The following XPO4 variants were observed in gnomAD, a reference collection of about 807,000 sequenced individuals.
XPO4 encodes exportin-4.
A neutral mutation model predicts 143.0 loss-of-function variants in XPO4; 39 were observed. The ratio of observed to expected loss-of-function variants is 0.27; its 90% CI spans 0.21 to 0.36. The LOEUF (loss-of-function observed/expected upper bound fraction) is 0.36. Ranked by LOEUF, XPO4 falls within the 10% of genes least tolerant of loss-of-function variation. XPO4 has a pLI of 1.00. For synonymous variants in XPO4, 439 were observed against 474.0 expected, an observed-to-expected ratio of 0.93 and a Z score of 0.96; for missense variants, 907 against 1,348.0, an observed-to-expected ratio of 0.67 and a Z score of 5.12.
chr13:20,834,766 G>A (rs2059896611), intron 6 of XPO4, among the ~76,000 whole-genome samples: 1 of 152,160 alleles, frequency 6.6e-6, no homozygotes, highest in South Asian at 2.1e-4. Context: ...TTTGAGGACA[G>A]CCTGGGCAAC....
chr13:20,794,631 G>C (rs1400009674), intron 18 of XPO4, among the ~76,000 whole-genome samples: 1 of 152,176 alleles, frequency 6.6e-6, no homozygotes, highest in East Asian at 1.9e-4. Flanking sequence ...ACTCTGGGAG[G>C]TTAAGGTGGG....
At chr13:20,801,065 A>C in intron 13 of XPO4, 75 bp from the exon 14 acceptor site, 3 of 1,554,608 alleles carry the variant, frequency 1.9e-6, no homozygotes, top group Non-Finnish European at 2.6e-6. Flanking sequence ...TTTCCTTAAA[A>C]GTCCTTTTTT....
At chr13:20,848,289 G>C (rs1401456459) in intron 4 of XPO4, 1 of 985,180 alleles carries the variant, frequency 1.0e-6, no homozygotes, top group Non-Finnish European at 1.2e-6. Context: ...TCCAATACAA[G>C]AATCCTGTTG....
intron 1 of XPO4, among the ~76,000 whole-genome samples, chr13:20,900,614 T>A (rs962194459): frequency 7.1e-6 from 1 of 141,334 alleles, no homozygotes; most frequent in African/African-American, 3.0e-5. Flanking sequence ...AAAAAGTCAT[T>A]TCCTTTTTTT....
intron 1 of XPO4, among the ~76,000 whole-genome samples, chr13:20,895,231 T>C (rs960916823): frequency 4.6e-5 from 7 of 152,156 alleles, no homozygotes; most frequent in African/African-American, 1.7e-4. Context: ...AAACGGAGTA[T>C]TAATTTATGG....
chr13:20,851,016 C>A, intron 4 of XPO4: 1 of 985,202 alleles, frequency 1.0e-6, no homozygotes, highest in Non-Finnish European at 1.2e-6. Context: ...AAGTTTATAG[C>A]CAATACTAAA....
intron 3 of XPO4, among the ~76,000 whole-genome samples, chr13:20,856,548 C>G (rs1164104896): frequency 6.6e-6 from 1 of 152,174 alleles, no homozygotes; most frequent in Non-Finnish European, 1.5e-5. Flanking sequence ...ACCAAGTGCC[C>G]CTGGAATAAA....
chr13:20,837,241 T>C (rs1237339760), intron 6 of XPO4, among the ~76,000 whole-genome samples: 2 of 152,142 alleles, frequency 1.3e-5, no homozygotes, highest in African/African-American at 2.4e-5. Flanking sequence ...TTAGGATGTT[T>C]AGCAGCATCC....
In XPO4 at chr13:20,780,219, A is replaced by G. The variant is rs887273151; in HGVS notation, c.*3503T>C. 4.6e-5 allele frequency: 7 copies of G among 152,198 alleles called. No homozygotes were observed. Among genetic ancestry groups the G allele is most frequent in the Non-Finnish European group, 8.8e-5 (6 of 68,048 alleles). The allele number at this position is 152,198 out of a possible 1,614,324, so 9.4% of individuals were successfully genotyped here. A position where few individuals can be genotyped will look rare whatever the true frequency, so the allele number is the denominator to read the frequency against. On this transcript the variant is annotated 3_prime_UTR_variant, in exon 23 of 23. Transcript: ENST00000255305. ...GAACCAATAACAATAATTCCTCATC[A>G]AAGACAGCTAACTTAGTAAGGTCAA... is the stretch of plus-strand genomic sequence containing the variant.
At chr13:20,783,995 G>A in intron 22 of XPO4, 76 bp from the exon 23 acceptor site, 4 of 1,451,104 alleles carry the variant, frequency 2.8e-6, no homozygotes, top group Non-Finnish European at 3.8e-6. Context: ...TTACTGGACT[G>A]TGGGGTTCTA....
intron 9 of XPO4, among the ~76,000 whole-genome samples, chr13:20,812,072 G>A (rs902447910): frequency 6.6e-6 from 1 of 152,088 alleles, no homozygotes; most frequent in Admixed American, 6.6e-5. Context: ...AGAAGATGTT[G>A]ATTAAGAATA....
chr13:20,846,805 AAT>A (rs1471197715), intron 4 of XPO4, among the ~76,000 whole-genome samples: 57 of 152,288 alleles, frequency 3.7e-4, no homozygotes, highest in African/African-American at 4.8e-4. Context: ...TATAAACCCA[AAT>A]ATAGTTTTAC....
chr13:20,823,849 G>A (rs533691784), intron 7 of XPO4, among the ~76,000 whole-genome samples: 2 of 152,078 alleles, frequency 1.3e-5, no homozygotes, highest in Admixed American at 6.5e-5. Context: ...ACGGGGTTTC[G>A]CCATGTTGGC....
At chr13:20,831,736 T>A (rs942149795) in intron 6 of XPO4, among the ~76,000 whole-genome samples, 1 of 151,222 alleles carries the variant, frequency 6.6e-6, no homozygotes, top group African/African-American at 2.4e-5. Flanking sequence ...ATCATACACA[T>A]CTAATCTTAC....
chr13:20,834,086 A>AT (rs2059886597), intron 6 of XPO4, among the ~76,000 whole-genome samples: 1 of 152,176 alleles, frequency 6.6e-6, no homozygotes, highest in Non-Finnish European at 1.5e-5. Flanking sequence ...CCACAGAGTG[A>AT]TTTTTAACAT....
rs564684481 is a variant in XPO4, at chr13:20,787,465, C to T, written c.3165+16G>A. On this transcript the variant is annotated intron_variant, in intron 21 of 22. Coordinates refer to ENST00000255305, the MANE Select transcript of XPO4 (RefSeq NM_022459.5). ...GAAAGTAGCTGATTTTCTGACCTACCGCACAGACATCTTACCTTAAGAAAG... is the reference window on the plus strand; with the variant it reads ...GAAAGTAGCTGATTTTCTGACCTACTGCACAGACATCTTACCTTAAGAAAG... The T allele has an allele frequency of 2.2e-5, 35 of 1,608,698 alleles. No individual in the cohort carries two copies. Among genetic ancestry groups the T allele is most frequent in the Middle Eastern group, 1.6e-4 (1 of 6,072 alleles).
At position 20,782,325 on chromosome 13, in the gene XPO4, A is replaced by G. The variant is rs970160312; in HGVS notation, c.*1397T>C. On this transcript the variant is annotated 3_prime_UTR_variant, in exon 23 of 23. Coordinates refer to ENST00000255305, the MANE Select transcript of XPO4 (RefSeq NM_022459.5). ...GTCCTCTACCTGTCACTGTGCTGTG[A>G]AAGTACTGCAATGAGTGGAGTTTCA... 1 of 152,230 alleles carries G rather than the reference A, an allele frequency of 6.6e-6. No individual in the cohort carries two copies. The highest frequency in any genetic ancestry group is 1.5e-5 in the Non-Finnish European group (1 of 68,042). The allele number at this position is 152,230 out of a possible 1,614,324, so 9.4% of individuals were successfully genotyped here.
chr13:20,854,314 G>T (rs1273879789), intron 4 of XPO4, among the ~76,000 whole-genome samples: 1 of 152,134 alleles, frequency 6.6e-6, no homozygotes, highest in African/African-American at 2.4e-5. Flanking sequence ...GCTGTGTGCG[G>T]TGAAAAGTGA....
intron 3 of XPO4, chr13:20,859,986 A>T (rs1475321257): frequency 3.3e-6 from 1 of 307,216 alleles, no homozygotes; most frequent in Non-Finnish European, 4.8e-6. Flanking sequence ...TCCACAAAAA[A>T]GAACCGCTCT....
Sources: gnomAD v4.1 joint callset for allele counts (sites outside exome capture counted in the v4.1 genomes callset) on GRCh38, gnomAD v4.1.1 for gene constraint, MANE v1.5 for transcripts, NCBI Gene and HGNC (gene_info 2026-07-23, HGNC 2026-07-21) for gene names.